The following GLB1 variants were observed in gnomAD, a reference collection of about 807,000 sequenced individuals.
GLB1 encodes the protein beta-galactosidase.
In GLB1, 56 loss-of-function variants were observed where a neutral mutation model predicts 74.0. The observed-to-expected ratio is 0.76, with a 90% CI of 0.61 to 0.94. GLB1 has a LOEUF of 0.94. Ranked by LOEUF, GLB1 falls within the 40% of genes least tolerant of loss-of-function variation. The pLI is 0.00. For missense variants in GLB1, 787 were observed against 845.5 expected (o/e 0.93, Z 0.86); for synonymous variants, 323 against 323.6 (o/e 1.00, Z 0.02).
At chr3:33,038,376 G>A (rs903632055) in intron 10 of GLB1, among the ~76,000 whole-genome samples, 6 of 152,218 alleles carry the variant, frequency 3.9e-5, no homozygotes, top group Non-Finnish European at 7.3e-5. Flanking sequence ...GCAAATTCTG[G>A]AGAATCTCTT....
chr3:32,976,199 C>T, the GLB1 span, among the ~76,000 whole-genome samples: 1 of 152,230 alleles, frequency 6.6e-6, no homozygotes, highest in Admixed American at 6.5e-5. Flanking sequence ...TTCCCACATA[C>T]TGGGCCATGT....
chr3:33,057,737 G>A (rs551510053), intron 6 of GLB1, among the ~76,000 whole-genome samples: 28 of 152,228 alleles, frequency 1.8e-4, no homozygotes, highest in Admixed American at 1.4e-3. Flanking sequence ...AGAGAAGCGC[G>A]CCCCAGACAC....
chr3:32,973,617 A>G, the GLB1 span, among the ~76,000 whole-genome samples: 1 of 152,000 alleles, frequency 6.6e-6, no homozygotes, highest in South Asian at 2.1e-4. Context: ...AAGTGCTGGG[A>G]TTACAGGCAT....
At chr3:33,040,979 T>C (rs969608106) in intron 10 of GLB1, among the ~76,000 whole-genome samples, 2 of 152,002 alleles carry the variant, frequency 1.3e-5, no homozygotes, top group African/African-American at 2.4e-5. Context: ...AAGCAACAAT[T>C]GAAGAACATA....
the GLB1 span, among the ~76,000 whole-genome samples, chr3:32,986,387 C>T: frequency 6.6e-6 from 1 of 152,196 alleles, no homozygotes; most frequent in African/African-American, 2.4e-5. Context: ...TGTAACATAA[C>T]TTAGCTTATA....
intron 5 of GLB1, among the ~76,000 whole-genome samples, chr3:33,058,872 ATGTTTATTTGACCTGC>A (rs1198017591): frequency 6.6e-6 from 1 of 152,216 alleles, no homozygotes; most frequent in East Asian, 1.9e-4. Context: ...CAGACACAGC[ATGTTTATTTGACCTGC>A]TGTCACACAC....
chr3:33,093,674 A>T lies in GLB1; in HGVS notation c.75+3337T>A. ...TCAGAATCCCGGCCACGCTGAGCAC[A>T]GCAGTCACTCCCACTGCCAGGGCAG... is the stretch of plus-strand genomic sequence containing the variant. On this transcript the variant is annotated intron_variant, in intron 1 of 15. Coordinates refer to ENST00000307363, the MANE Select transcript of GLB1 (RefSeq NM_000404.4). This position sits in a 1 kb window ranked among gnomAD's most constrained non-coding sequence, Gnocchi z 6.0. The T allele has an allele frequency of 6.2e-7, 1 of 1,614,124 alleles. No homozygotes were observed. Among genetic ancestry groups the T allele is most frequent in the Non-Finnish European group, 8.5e-7 (1 of 1,180,012 alleles).
the GLB1 span, among the ~76,000 whole-genome samples, chr3:32,985,177 C>G: frequency 6.6e-6 from 1 of 150,828 alleles, no homozygotes; most frequent in Non-Finnish European, 1.5e-5. Context: ...ATTCCATCAG[C>G]TTTTTAATGC....
At chr3:32,981,090 C>CAA in the GLB1 span, among the ~76,000 whole-genome samples, 139 of 46,304 alleles carry the variant, frequency 3.0e-3, 14 homozygotes, top group East Asian at 0.04. Flanking sequence ...GACTCCGTCT[C>CAA]AAAAAAAAAA....
At chr3:33,041,075 T>C (rs922946161) in intron 10 of GLB1, among the ~76,000 whole-genome samples, 8 of 152,158 alleles carry the variant, frequency 5.3e-5, no homozygotes, top group South Asian at 2.1e-4. Context: ...AATTATCTAA[T>C]AGAAATAAAT....
chr3:33,072,539 C>A lies in GLB1; in HGVS notation c.245+5G>T, dbSNP rs977415210. The A allele has an allele frequency of 6.2e-7, 1 of 1,613,040 alleles. No homozygotes were observed. The highest frequency in any genetic ancestry group is 1.3e-5 in the African/African-American group (1 of 75,012). On this transcript the variant is annotated splice_donor_5th_base_variant and intron_variant, in intron 2 of 15. Transcript: ENST00000307363. Reference sequence around the variant, plus strand: ...TAGGTGAGAGCCACATGCCCTCCTACTTACGTCTGGATGGCGTTCAGCCCA... The same window carrying A: ...TAGGTGAGAGCCACATGCCCTCCTAATTACGTCTGGATGGCGTTCAGCCCA...
intron 1 of GLB1, among the ~76,000 whole-genome samples, chr3:33,088,245 T>G (rs1017461406): frequency 6.6e-6 from 1 of 152,062 alleles, no homozygotes; most frequent in Non-Finnish European, 1.5e-5. Context: ...CTCAACATAG[T>G]TTTGGAAGTC....
At chr3:33,080,703 A>G (rs1700292586) in intron 1 of GLB1, among the ~76,000 whole-genome samples, 1 of 152,204 alleles carries the variant, frequency 6.6e-6, no homozygotes, top group Non-Finnish European at 1.5e-5. Flanking sequence ...TCCCAGAGTG[A>G]TAACTACAAT....
At chr3:33,094,394 C>T in intron 1 of GLB1, 1 of 1,337,376 alleles carries the variant, frequency 7.5e-7, no homozygotes, top group South Asian at 2.4e-5. Flanking sequence ...CTGCCCAACC[C>T]ACCTTGAATC....
intron 10 of GLB1, among the ~76,000 whole-genome samples, chr3:33,044,623 A>G (rs1698667887): frequency 6.6e-6 from 1 of 152,170 alleles, no homozygotes; most frequent in South Asian, 2.1e-4. Context: ...TTTTAACAAT[A>G]CATTTGAAAA....
chr3:33,068,945 G>T lies in GLB1; in HGVS notation c.271C>A (p.Pro91Thr), dbSNP rs770407340. ...QTYVPWNFHE[P>T]WPGQYQFSED... ...GAAAACTGGTACTGTCCTGGCCAGG[G>T]CTCATGAAAGTTCCAGGGCACATAC... Residue 91 changes from proline (P) to threonine (T), a missense_variant, in exon 3 of 16, where the codon CCC becomes ACC. Coordinates refer to ENST00000307363, the MANE Select transcript of GLB1 (RefSeq NM_000404.4). 2 of 1,614,156 alleles carry T rather than the reference G, an allele frequency of 1.2e-6. No homozygotes were observed. Among genetic ancestry groups the T allele is most frequent in the Non-Finnish European group, 8.5e-7 (1 of 1,180,026 alleles).
In GLB1 at chr3:33,093,906, T is replaced by TGGGCCA; in HGVS notation, c.75+3099_75+3104dup. ...AAAGAACATGGTAAAGAAACTGGAA[T>TGGGCCA]GGGCCAGGGCCAGAAATGCCAGAAC... is the stretch of plus-strand genomic sequence containing the variant. On this transcript the variant is annotated intron_variant, in intron 1 of 15. Coordinates refer to ENST00000307363, the MANE Select transcript of GLB1 (RefSeq NM_000404.4). This position sits in a 1 kb window ranked among gnomAD's most constrained non-coding sequence, Gnocchi z 6.0. The TGGGCCA allele has an allele frequency of 6.2e-7, 1 of 1,613,996 alleles. No individual in the cohort carries two copies. Among genetic ancestry groups the TGGGCCA allele is most frequent in the Non-Finnish European group, 8.5e-7 (1 of 1,179,986 alleles).
chr3:33,090,412 T>C, intron 1 of GLB1: 2 of 985,338 alleles, frequency 2.0e-6, no homozygotes, highest in Non-Finnish European at 2.4e-6. Flanking sequence ...AAGAAAAGCA[T>C]GGATGGGTAT....
At chr3:33,023,790 C>T (rs1269278643) in intron 11 of GLB1, among the ~76,000 whole-genome samples, 1 of 152,074 alleles carries the variant, frequency 6.6e-6, no homozygotes, top group Non-Finnish European at 1.5e-5. Context: ...AAACCACAGA[C>T]CATAAAAATT....
Sources: gnomAD v4.1 joint callset for allele counts (sites outside exome capture counted in the v4.1 genomes callset) on GRCh38, gnomAD v4.1.1 for gene constraint, Gnocchi (gnomAD v3.1) non-coding constraint, MANE v1.5 for transcripts, NCBI Gene and HGNC (gene_info 2026-07-23, HGNC 2026-07-21) for gene names.